Variants in TRIP11 observed in about 807,000 individuals in gnomAD.
The protein encoded by TRIP11 is thyroid receptor-interacting protein 11.
A neutral mutation model predicts 223.1 loss-of-function variants in TRIP11; 148 were observed. That is an observed-to-expected ratio of 0.66 (90% confidence interval 0.58 to 0.76). The LOEUF (loss-of-function observed/expected upper bound fraction) is 0.76. TRIP11 is among the 30% of genes least tolerant of loss of function. The probability of loss-of-function intolerance (pLI) is 0.00; values close to 1 mark genes in which losing one functional copy is unlikely to be tolerated. For synonymous variants in TRIP11, 762 were observed against 772.6 expected (o/e 0.99, Z 0.23); for missense variants, 2,043 against 2,222.0 (o/e 0.92, Z 1.62).
intron 10 of TRIP11, 53 bp from the exon 11 acceptor site, chr14:92,006,501 C>A: frequency 1.3e-6 from 2 of 1,579,888 alleles, no homozygotes; most frequent in South Asian, 2.3e-5. Context: ...TTTTAGTACT[C>A]AAAGAAAATT....
At chr14:92,035,825 G>A (rs953028345) in intron 1 of TRIP11, among the ~76,000 whole-genome samples, 1 of 152,010 alleles carries the variant, frequency 6.6e-6, no homozygotes, top group Non-Finnish European at 1.5e-5. Context: ...AGGTGATCCT[G>A]AGGCCCTCCT....
chr14:91,983,430 A>G (rs537387463), intron 16 of TRIP11, among the ~76,000 whole-genome samples: 1 of 152,370 alleles, frequency 6.6e-6, no homozygotes, highest in South Asian at 2.1e-4. Flanking sequence ...GAACTCATCC[A>G]TACATAAAGA....
chr14:91,970,184 A>G (rs1019587786), intron 20 of TRIP11, among the ~76,000 whole-genome samples: 1 of 152,134 alleles, frequency 6.6e-6, no homozygotes, highest in African/African-American at 2.4e-5. Context: ...AGGTGGGCGG[A>G]TCACCTGAGG....
intron 12 of TRIP11, among the ~76,000 whole-genome samples, 193 bp downstream of exon 12, chr14:91,999,775 G>A (rs1406998603): frequency 6.6e-6 from 1 of 151,980 alleles, no homozygotes; most frequent in Non-Finnish European, 1.5e-5. Context: ...TCCGAGATAT[G>A]CCATGATTTT....
chr14:92,023,141 C>T (rs1402787789), intron 3 of TRIP11, among the ~76,000 whole-genome samples: 4 of 152,002 alleles, frequency 2.6e-5, no homozygotes, highest in Admixed American at 2.0e-4. Flanking sequence ...CTTAATGTGC[C>T]CTCTAATATC....
chr14:92,029,122 C>T (rs931645930), intron 2 of TRIP11, among the ~76,000 whole-genome samples: 2 of 152,010 alleles, frequency 1.3e-5, no homozygotes, highest in African/African-American at 2.4e-5. Flanking sequence ...ACATTTGGCT[C>T]TTTTACTATC....
In TRIP11 at chr14:91,968,378, C is replaced by A. The variant is rs556270720; in HGVS notation, c.*1295G>T. ...TTATGAAAAATTAAAGAAATACTTT[C>A]TTAAGTTTCAAACATCTGGGTACTG... is the stretch of plus-strand genomic sequence containing the variant. On this transcript the variant is annotated 3_prime_UTR_variant, in exon 21 of 21. Transcript: ENST00000267622. 30 of 204,380 alleles carry A rather than the reference C, an allele frequency of 1.5e-4. No homozygotes were observed. The highest frequency in any genetic ancestry group is 1.1e-3 in the South Asian group (6 of 5,260). 12.7% of individuals were successfully genotyped at this position (204,380 alleles called of 1,614,324 possible).
chr14:91,997,407 C>T (rs753476328), intron 13 of TRIP11, among the ~76,000 whole-genome samples: 5 of 152,086 alleles, frequency 3.3e-5, no homozygotes, highest in South Asian at 2.1e-4. Context: ...GTATAGGACA[C>T]GTCGACAATT....
rs537425496 is a variant in TRIP11 at position 92,005,063 on chromosome 14, T to G, written c.2913A>C (p.Thr971=). 3 of 1,614,044 alleles carry G rather than the reference T, an allele frequency of 1.9e-6. No individual in the cohort carries two copies. Among genetic ancestry groups the G allele is most frequent in the South Asian group, 2.2e-5 (2 of 91,086 alleles). ...GCAACTGGGTTTTGATTTGTTCAAT[T>G]GTTTTTTGCAAACTCTTAATTTCCT... ...KDEEIKSLQK[T]IEQIKTQLHE... The change falls in exon 11 of 21, where the codon ACA becomes ACC. Residue 971 remains threonine, a synonymous_variant. Transcript: ENST00000267622.
At chr14:91,993,476 C>CAAA (rs59244424) in intron 15 of TRIP11, among the ~76,000 whole-genome samples, 15 of 51,620 alleles carry the variant, frequency 2.9e-4, no homozygotes, top group African/African-American at 8.5e-4. Flanking sequence ...AACTCGGTCT[C>CAAA]AAAAAAAAAA....
intron 20 of TRIP11, 141 bp from the exon 21 acceptor site, chr14:91,970,034 C>A (rs1306861104): frequency 2.3e-6 from 2 of 886,586 alleles, no homozygotes; most frequent in East Asian, 2.6e-5. Flanking sequence ...ATCAATGTAT[C>A]ACTTATCAAC....
chr14:92,014,888 A>G (rs1170540235), intron 6 of TRIP11, among the ~76,000 whole-genome samples: 1 of 150,356 alleles, frequency 6.7e-6, no homozygotes, highest in Non-Finnish European at 1.5e-5. Flanking sequence ...TAAAAAGGAC[A>G]TTTCCATTTT....
chr14:92,014,193 A>T, intron 7 of TRIP11, 22 bp downstream of exon 7: 1 of 1,613,808 alleles, frequency 6.2e-7, no homozygotes, highest in African/African-American at 1.3e-5. Context: ...GCAATCTGAA[A>T]TAAGTTCCAA....
intron 15 of TRIP11, 126 bp downstream of exon 15, chr14:91,993,683 A>G (rs2056710520): frequency 2.7e-6 from 2 of 746,914 alleles, no homozygotes; most frequent in African/African-American, 1.8e-5. Context: ...GCTACAGCAG[A>G]GGGCTGGATT....
intron 2 of TRIP11, among the ~76,000 whole-genome samples, chr14:92,032,507 TA>T (rs532481259): frequency 5.4e-4 from 82 of 152,250 alleles, no homozygotes; most frequent in African/African-American, 1.6e-3. Context: ...TTTTAGTGTT[TA>T]AAAAGCTCCA....
At chr14:91,991,393 T>C (rs993050073) in intron 15 of TRIP11, among the ~76,000 whole-genome samples, 4 of 152,170 alleles carry the variant, frequency 2.6e-5, no homozygotes, top group Admixed American at 1.3e-4. Flanking sequence ...TGGTATTCTA[T>C]TGTATCAGCA....
Position 92,039,785 on chromosome 14 carries a change from G to C in TRIP11, c.-100C>G. On this transcript the variant is annotated 5_prime_UTR_variant, in exon 1 of 21. Transcript: ENST00000267622. ...AATATCCTTGAACGCCTGCCTTCGC[G>C]AGACAGGATACGATAACACAAAGCT... 1 of 1,550,124 alleles carries C rather than the reference G, an allele frequency of 6.5e-7. No individual in the cohort carries two copies. Among genetic ancestry groups the C allele is most frequent in the East Asian group, 2.4e-5 (1 of 41,022 alleles).
intron 20 of TRIP11, among the ~76,000 whole-genome samples, chr14:91,971,428 T>C (rs1342498641): frequency 1.3e-5 from 2 of 152,158 alleles, no homozygotes; most frequent in Non-Finnish European, 2.9e-5. Context: ...GCAAAGCCTA[T>C]ATCAACCCAA....
chr14:91,976,988 T>C lies in TRIP11; in HGVS notation c.5261-799A>G, dbSNP rs75297111. ...AACAGAGTTTACACCTGTTCTGTTA[T>C]GCCAGAAACGAATAGTTTGAGCTGA... is the stretch of plus-strand genomic sequence containing the variant. On this transcript the variant is annotated intron_variant, in intron 16 of 20. Transcript: ENST00000267622. 1.2e-3 allele frequency: 283 copies of C among 240,062 alleles called. 1 individual carries two copies. The highest frequency in any genetic ancestry group is 5.8e-3 in the African/African-American group (252 of 43,180). The allele number at this position is 240,062 out of a possible 1,614,324, so 14.9% of individuals were successfully genotyped here.
Sources: gnomAD v4.1 joint callset for allele counts (sites outside exome capture counted in the v4.1 genomes callset) on GRCh38, gnomAD v4.1.1 for gene constraint, MANE v1.5 for transcripts, NCBI Gene and HGNC (gene_info 2026-07-23, HGNC 2026-07-21) for gene names.